COL9A3: variants seen among roughly 807,000 people sequenced by gnomAD.
COL9A3 encodes the protein collagen alpha-3(IX) chain.
Under a neutral mutation model 110.2 loss-of-function variants are expected in COL9A3, and 82 were observed. The ratio of observed to expected loss-of-function variants is 0.74; its 90% CI spans 0.62 to 0.89. The LOEUF is 0.89. Ranked by LOEUF, COL9A3 falls within the 40% of genes least tolerant of loss-of-function variation. COL9A3 has a pLI of 0.00. For missense variants in COL9A3, 1,066 were observed against 981.3 expected, an observed-to-expected ratio of 1.09 and a Z score of -1.15; for synonymous variants, 494 against 403.8, an observed-to-expected ratio of 1.22 and a Z score of -2.68.
rs748517658 is a variant in COL9A3, at chr20:62,840,928, CCTAG to C, written c.*200_*203del. 8.2e-6 allele frequency: 5 copies of C among 612,968 alleles called. No homozygotes were observed. Among genetic ancestry groups the C allele is most frequent in the Non-Finnish European group, 1.5e-5 (5 of 339,946 alleles). The allele number at this position is 612,968 out of a possible 1,614,324, so 38.0% of individuals were successfully genotyped here. ...CGCCTGACAGCATACCTCAAAAGGC[CCTAG>C]CTAATAAACCTGTAAGCCCAGCATT... On this transcript the variant is annotated 3_prime_UTR_variant, in exon 32 of 32. Transcript: ENST00000649368.
rs762136465 is a variant in COL9A3 at position 62,836,214 on chromosome 20, A to G, written c.1429A>G (p.Lys477Glu). The G allele has an allele frequency of 1.9e-6, 3 of 1,613,500 alleles. 1 individual carries two copies. In the South Asian group the frequency reaches 3.3e-5, roughly 18 times the overall value. Residue 477 changes from lysine (K) to glutamate (E), a missense_variant, in exon 28 of 32, where the codon AAA becomes GAA. Physicochemically the swap from Lys to Glu is moderately conservative, Grantham distance 56. Coordinates refer to ENST00000649368, the MANE Select transcript of COL9A3 (RefSeq NM_001853.4). ...ESGSRGELGP[K>E]GTQGPNGTSG... ...TGGCAGTCGAGGGGAGCTGGGCCCC[A>G]AAGGCACCCAGGGTCCCAACGGCAC... is the stretch of plus-strand genomic sequence containing the variant.
At chr20:62,829,567 G>A in intron 20 of COL9A3, 61 bp from the exon 21 acceptor site, 1 of 1,611,120 alleles carries the variant, frequency 6.2e-7, no homozygotes, top group South Asian at 1.1e-5. Flanking sequence ...GGGCTGGGGG[G>A]CCAGCGACCT....
At position 62,832,007 on chromosome 20, in the gene COL9A3, C is replaced by G; in HGVS notation, c.1288-147C>G. 4.8e-6 allele frequency: 4 copies of G among 833,728 alleles called. No individual in the cohort carries two copies. In the East Asian group the frequency reaches 1.0e-4, roughly 21 times the overall value. The allele number at this position is 833,728 out of a possible 1,614,324, so 51.6% of individuals were successfully genotyped here. A position where few individuals can be genotyped will look rare whatever the true frequency, so the allele number is the denominator to read the frequency against. On this transcript the variant is annotated intron_variant, in intron 24 of 31. Transcript: ENST00000649368. ...GTGAACGTGAGCTTGGCCTTTGGGC[C>G]TGTGTCTGGGAGCCGGTGTTCACAG...
intron 26 of COL9A3, 125 bp from the exon 27 acceptor site, chr20:62,835,794 CTG>C: frequency 3.2e-6 from 3 of 933,760 alleles, no homozygotes; most frequent in Non-Finnish European, 5.3e-6. Context: ...GAAGGAACCA[CTG>C]TCAATATTTG....
At chr20:62,834,764 T>C (rs912011259) in intron 26 of COL9A3, among the ~76,000 whole-genome samples, 2 of 152,166 alleles carry the variant, frequency 1.3e-5, no homozygotes, top group African/African-American at 4.8e-5. Context: ...TGCCTCAGCC[T>C]CCCGAGTAGC....
At chr20:62,832,807 A>C in intron 25 of COL9A3, 1 of 553,996 alleles carries the variant, frequency 1.8e-6, no homozygotes, top group East Asian at 3.0e-5. Flanking sequence ...TATGCAAACA[A>C]ATGTCTTCCG....
In COL9A3 at chr20:62,819,937, T is replaced by C. The variant is rs377753436; in HGVS notation, c.264T>C (p.Thr88=). The C allele has an allele frequency of 2.2e-5, 36 of 1,612,832 alleles. No individual in the cohort carries two copies. The highest frequency in any genetic ancestry group is 1.3e-4 in the African/African-American group (10 of 74,922). Residue 88 remains threonine (T), a synonymous_variant, in exon 5 of 32, where the codon ACT becomes ACC. Coordinates refer to ENST00000649368, the MANE Select transcript of COL9A3 (RefSeq NM_001853.4). ...LPGLPGVDGL[T]GRDGPPGPKG... Reference sequence around the variant, plus strand: ...CCTCTGCCTCTCCCCAGGGTCTGACTGGACGAGATGGACCCCCTGGACCCA... The same window carrying C: ...CCTCTGCCTCTCCCCAGGGTCTGACCGGACGAGATGGACCCCCTGGACCCA...
chr20:62,836,103 C>G, intron 27 of COL9A3, 84 bp from the exon 28 acceptor site: 1 of 1,603,964 alleles, frequency 6.2e-7, no homozygotes, highest in Non-Finnish European at 8.5e-7. Context: ...CAAGACGGCT[C>G]CGTGCCGGCT....
In COL9A3 at chr20:62,836,484, G is replaced by T. The variant is rs775950914; in HGVS notation, c.1555G>T (p.Glu519Ter). 6.2e-7 allele frequency: 1 copy of T among 1,613,638 alleles called. No individual in the cohort carries two copies. Among genetic ancestry groups the T allele is most frequent in the Non-Finnish European group, 8.5e-7 (1 of 1,179,788 alleles). Residue 519 changes from glutamate to a stop codon, truncating the protein, a stop_gained, in exon 29 of 32, where the codon GAG becomes TAG. Coordinates refer to ENST00000649368, the MANE Select transcript of COL9A3 (RefSeq NM_001853.4). LOFTEE classifies it high-confidence loss of function. The stretch of plus-strand genomic sequence containing the variant: ...TGTGTGGGGTGAATTCCAGGGGAAG[G>T]AGGCCAGCGAGCAGCGCATCAGGGA... ...ITGKPGVPGK[E>*]ASEQRIRELC...
intron 30 of COL9A3, among the ~76,000 whole-genome samples, chr20:62,837,624 T>C (rs1489262911): frequency 1.3e-5 from 2 of 151,076 alleles, no homozygotes; most frequent in Admixed American, 6.6e-5. Context: ...CTGACCAACA[T>C]GGTGAAACCC....
intron 22 of COL9A3, among the ~76,000 whole-genome samples, chr20:62,830,108 G>C (rs1048489112): frequency 5.3e-5 from 8 of 152,150 alleles, no homozygotes; most frequent in Non-Finnish European, 5.9e-5. Context: ...CTGGTGGGGG[G>C]AGCCAGGGGC....
chr20:62,822,726 A>G, intron 10 of COL9A3, 94 bp downstream of exon 10: 1 of 1,391,808 alleles, frequency 7.2e-7, no homozygotes, highest in South Asian at 1.2e-5. Context: ...CATACTGGCA[A>G]GAAGGCAGGG....
At chr20:62,818,386 AGGG>A in intron 2 of COL9A3, 129 bp from the exon 3 acceptor site, 3 of 864,344 alleles carry the variant, frequency 3.5e-6, no homozygotes, top group Non-Finnish European at 5.9e-6. Flanking sequence ...TCGGGGGCTC[AGGG>A]GCCCCTTTTG....
intron 26 of COL9A3, among the ~76,000 whole-genome samples, chr20:62,834,622 T>C (rs952842152): frequency 1.3e-5 from 2 of 152,104 alleles, no homozygotes; most frequent in African/African-American, 4.8e-5. Context: ...ACCTCAGTTG[T>C]ATGTGTTTCA....
At chr20:62,824,904 A>T in intron 11 of COL9A3, 64 bp from the exon 12 acceptor site, 7 of 1,492,206 alleles carry the variant, frequency 4.7e-6, no homozygotes, top group East Asian at 2.4e-5. Context: ...GCCTCACTTC[A>T]GTGTTGCCAG....
chr20:62,820,122 A>C (rs2147198070), intron 5 of COL9A3, 140 bp downstream of exon 5: 2 of 1,005,684 alleles, frequency 2.0e-6, no homozygotes, highest in Non-Finnish European at 3.0e-6. Flanking sequence ...GTGGAGGGGC[A>C]GAAGGGCAGG....
At chr20:62,826,886 C>G in intron 15 of COL9A3, 66 bp downstream of exon 15, 1 of 1,549,640 alleles carries the variant, frequency 6.5e-7, no homozygotes, top group Admixed American at 1.9e-5. Context: ...CTCTGCTCCT[C>G]TCAGACGCCC....
chr20:62,838,450 C>G (rs780450594), intron 30 of COL9A3, among the ~76,000 whole-genome samples: 1 of 152,220 alleles, frequency 6.6e-6, no homozygotes, highest in Non-Finnish European at 1.5e-5. Flanking sequence ...ACCACTGTCA[C>G]CTATGCGGTG....
chr20:62,821,295 A>G, intron 6 of COL9A3, 79 bp downstream of exon 6: 3 of 1,473,602 alleles, frequency 2.0e-6, no homozygotes, highest in South Asian at 2.3e-5. Context: ...GGTGGCCTCC[A>G]GGAATCCCAG....
Sources: gnomAD v4.1 joint callset for allele counts (sites outside exome capture counted in the v4.1 genomes callset) on GRCh38, gnomAD v4.1.1 for gene constraint, MANE v1.5 for transcripts, NCBI Gene and HGNC (gene_info 2026-07-23, HGNC 2026-07-21) for gene names.